LDB3: variants seen among roughly 807,000 people sequenced by gnomAD.
LDB3 encodes LIM domain binding 3, also known as LIM domain-binding protein 3.
Under a neutral mutation model 69.0 loss-of-function variants are expected in LDB3, and 49 were observed. The observed-to-expected ratio is 0.71, with a 90% CI of 0.56 to 0.90. The LOEUF is 0.90. LDB3 is among the 40% of genes least tolerant of loss of function. The probability of loss-of-function intolerance (pLI) is 0.00; values close to 1 mark genes in which losing one functional copy is unlikely to be tolerated. For missense variants in LDB3, 928 were observed against 974.1 expected (o/e 0.95, Z 0.63); for synonymous variants, 387 against 396.2 (o/e 0.98, Z 0.28).
chr10:86,680,766 T>C (rs995509542), intron 4 of LDB3, among the ~76,000 whole-genome samples: 9 of 152,140 alleles, frequency 5.9e-5, no homozygotes, highest in Admixed American at 3.9e-4. Flanking sequence ...GCCAAGCAGC[T>C]CAACCCCCGA....
intron 7 of LDB3, among the ~76,000 whole-genome samples, chr10:86,704,721 G>A (rs1030931149): frequency 6.6e-6 from 1 of 152,082 alleles, no homozygotes; most frequent in Non-Finnish European, 1.5e-5. Flanking sequence ...TGGGACTACA[G>A]GCACCCACCA....
At chr10:86,728,135 C>T (rs991618903) in intron 13 of LDB3, among the ~76,000 whole-genome samples, 4 of 152,180 alleles carry the variant, frequency 2.6e-5, no homozygotes, top group African/African-American at 9.7e-5. Flanking sequence ...GTCTCTGAAC[C>T]TTACATTCAA....
chr10:86,700,065 T>C, intron 7 of LDB3: 4 of 986,474 alleles, frequency 4.1e-6, no homozygotes, highest in Non-Finnish European at 2.4e-6. Flanking sequence ...GCCCCAGTCA[T>C]GCTGTGCCTG....
chr10:86,717,778 T>C (rs550732568), intron 10 of LDB3, among the ~76,000 whole-genome samples, 186 bp from the exon 11 acceptor site: 2 of 152,360 alleles, frequency 1.3e-5, no homozygotes, highest in South Asian at 4.1e-4. Context: ...ATTTTCTTTA[T>C]TGTAAGTGAT....
rs368407147 is a variant in LDB3 at position 86,681,606 on chromosome 10, G to T, written c.492G>T (p.Pro164=). 2.4e-5 allele frequency: 38 copies of T among 1,612,888 alleles called. No individual in the cohort carries two copies. In the African/African-American group the frequency reaches 4.1e-4, roughly 18 times the overall value. ...CCGAGGCCTCTGACCCTGGCCCTCCGCGGGCCAGCCTGAGGGCCAAGACCA... is the reference window on the plus strand; with the variant it reads ...CCGAGGCCTCTGACCCTGGCCCTCCTCGGGCCAGCCTGAGGGCCAAGACCA... ...SLAEASDPGP[P]RASLRAKTSP... The change falls in exon 5 of 14, where the codon CCG becomes CCT. Residue 164 remains proline, a synonymous_variant. Coordinates refer to ENST00000361373, the MANE Select transcript of LDB3 (RefSeq NM_007078.3).
rs776143895 is a variant in LDB3, at chr10:86,692,563, A to G, written c.888A>G (p.Arg296=). 39 of 1,614,192 alleles carry G rather than the reference A, an allele frequency of 2.4e-5. No individual in the cohort carries two copies. The highest frequency in any genetic ancestry group is 3.3e-5 in the Non-Finnish European group (39 of 1,180,016). The change falls in exon 7 of 14, where the codon CGA becomes CGG. Residue 296 remains arginine (R), a synonymous_variant. Coordinates refer to ENST00000361373, the MANE Select transcript of LDB3 (RefSeq NM_007078.3). Reference sequence around the variant, plus strand: ...AAGACCCTGATGAAGAAGCTCTGCGAAGGTCAAGGTAAGTGCCTGGACTCA... The same window carrying G: ...AAGACCCTGATGAAGAAGCTCTGCGGAGGTCAAGGTAAGTGCCTGGACTCA... The part of the protein sequence containing the change: ...FMQDPDEEAL[R]RSSTPIEHAP...
Position 86,668,701 on chromosome 10 carries a change from A to C in LDB3, c.10A>C (p.Ser4Arg), listed in dbSNP as rs727505295. ...CGCTGACAGCACCAGCATGTCTTAC[A>C]GTGTGACCCTGACTGGGCCCGGGCC... MSYSVTLTGPGPWG... is the reference protein window; with the variant it reads MSYRVTLTGPGPWG... Residue 4 changes from serine to arginine, a missense_variant, in exon 2 of 14, where the codon AGT becomes CGT. Coordinates refer to ENST00000361373, the MANE Select transcript of LDB3 (RefSeq NM_007078.3). 1 of 1,613,242 alleles carries C rather than the reference A, an allele frequency of 6.2e-7. No individual in the cohort carries two copies. The highest frequency in any genetic ancestry group is 8.5e-7 in the Non-Finnish European group (1 of 1,179,876).
intron 7 of LDB3, among the ~76,000 whole-genome samples, chr10:86,693,712 T>C (rs1046672170): frequency 1.1e-4 from 16 of 152,188 alleles, no homozygotes; most frequent in African/African-American, 3.6e-4. Context: ...AAGTGATGTT[T>C]GATTTAGCTC....
chr10:86,692,580 C>T lies in LDB3; in HGVS notation c.896+9C>T. The T allele has an allele frequency of 6.2e-7, 1 of 1,613,936 alleles. No individual in the cohort carries two copies. The highest frequency in any genetic ancestry group is 8.5e-7 in the Non-Finnish European group (1 of 1,179,772). On this transcript the variant is annotated intron_variant, in intron 7 of 13. Coordinates refer to ENST00000361373, the MANE Select transcript of LDB3 (RefSeq NM_007078.3). The stretch of plus-strand genomic sequence containing the variant: ...GCTCTGCGAAGGTCAAGGTAAGTGC[C>T]TGGACTCAGGCTCTGTGGCCTTGCC...
In LDB3 at chr10:86,681,515, G is replaced by A. The variant is rs1845128649; in HGVS notation, c.401G>A (p.Gly134Asp). Reference protein sequence around the residue: ...PEARASPGTPGTPELRPTFSP... With the variant: ...PEARASPGTPDTPELRPTFSP... ...GCGAGGGCCAGCCCAGGCACCCCAG[G>A]CACCCCGGAGCTCAGGCCCACCTTT... The change falls in exon 5 of 14, where the codon GGC becomes GAC. Residue 134 changes from glycine to aspartate, a missense_variant. Physicochemically the swap from Gly to Asp is moderately conservative, Grantham distance 94. Coordinates refer to ENST00000361373, the MANE Select transcript of LDB3 (RefSeq NM_007078.3). 1 of 1,611,698 alleles carries A rather than the reference G, an allele frequency of 6.2e-7. No individual in the cohort carries two copies. The highest frequency in any genetic ancestry group is 1.3e-5 in the African/African-American group (1 of 74,908).
At chr10:86,709,212 G>A (rs1033241110) in intron 8 of LDB3, among the ~76,000 whole-genome samples, 4 of 152,202 alleles carry the variant, frequency 2.6e-5, no homozygotes, top group Admixed American at 1.3e-4. Flanking sequence ...GAGAGGCCAC[G>A]ACGCACAGAC....
At chr10:86,687,011 C>T (rs1845514547) in intron 5 of LDB3, 8 of 1,544,840 alleles carry the variant, frequency 5.2e-6, no homozygotes, top group Non-Finnish European at 6.3e-6. Flanking sequence ...ATGTAACCGC[C>T]ACCTGTTGCC....
intron 7 of LDB3, among the ~76,000 whole-genome samples, chr10:86,706,197 C>T (rs1253045094): frequency 6.7e-6 from 1 of 149,582 alleles, no homozygotes; most frequent in Non-Finnish European, 1.5e-5. Flanking sequence ...TGGATAATTC[C>T]ATCGGCCTTT....
intron 4 of LDB3, among the ~76,000 whole-genome samples, chr10:86,680,362 T>C (rs1051861491): frequency 6.6e-6 from 1 of 152,196 alleles, no homozygotes; most frequent in Non-Finnish European, 1.5e-5. Flanking sequence ...GAACACTGGA[T>C]GTGGGAATGA....
intron 5 of LDB3, among the ~76,000 whole-genome samples, chr10:86,686,645 T>C (rs1845480231): frequency 6.6e-6 from 1 of 150,952 alleles, no homozygotes; most frequent in Non-Finnish European, 1.5e-5. Context: ...CGTGAGACTC[T>C]GTCTTTACAG....
chr10:86,686,223 C>T (rs557555182), intron 5 of LDB3, among the ~76,000 whole-genome samples: 19 of 152,298 alleles, frequency 1.2e-4, no homozygotes, highest in African/African-American at 4.3e-4. Context: ...TTCCCTGAAG[C>T]GTCTGGAAGA....
At chr10:86,724,037 G>A (rs1291228480) in intron 12 of LDB3, among the ~76,000 whole-genome samples, 4 of 152,330 alleles carry the variant, frequency 2.6e-5, no homozygotes, top group Admixed American at 2.0e-4. Flanking sequence ...TAGGCTGGGC[G>A]CGGTGGCTCA....
At position 86,706,609 on chromosome 10, in the gene LDB3, T is replaced by C; in HGVS notation, c.975T>C (p.Ala325=). The stretch of plus-strand genomic sequence containing the variant: ...TGCCCGCTTCTGCCCAGCCACCTGC[T>C]GCTGCCTCTCCCAGTGCGGCTTCGC... The part of the protein sequence containing the change: ...PLLPASAQPP[A]AASPSAASPP... The change falls in exon 8 of 14, where the codon GCT becomes GCC. Residue 325 remains alanine (A), a synonymous_variant. Coordinates refer to ENST00000361373, the MANE Select transcript of LDB3 (RefSeq NM_007078.3). 6.2e-7 allele frequency: 1 copy of C among 1,613,226 alleles called. No homozygotes were observed. Among genetic ancestry groups the C allele is most frequent in the South Asian group, 1.1e-5 (1 of 91,074 alleles).
intron 5 of LDB3, among the ~76,000 whole-genome samples, chr10:86,684,150 C>T (rs1378644674): frequency 6.6e-6 from 1 of 152,234 alleles, no homozygotes; most frequent in African/African-American, 2.4e-5. Flanking sequence ...ATAGGCATCC[C>T]AGCAGCCCCC....
Sources: gnomAD v4.1 joint callset for allele counts (sites outside exome capture counted in the v4.1 genomes callset) on GRCh38, gnomAD v4.1.1 for gene constraint, MANE v1.5 for transcripts, NCBI Gene and HGNC (gene_info 2026-07-23, HGNC 2026-07-21) for gene names.